Variants in GMDS observed in about 807,000 individuals in gnomAD.
GMDS encodes GDP-mannose 4,6 dehydratase.
In GMDS, 20 loss-of-function variants were observed where a neutral mutation model predicts 49.9. The observed-to-expected ratio is 0.40, with a 90% CI of 0.28 to 0.58. The LOEUF (loss-of-function observed/expected upper bound fraction) is 0.58. Ranked by LOEUF, GMDS falls within the 20% of genes least tolerant of loss-of-function variation. The probability of loss-of-function intolerance (pLI) is 0.42; values close to 1 mark genes in which losing one functional copy is unlikely to be tolerated. For missense variants in GMDS, 362 were observed against 481.4 expected (o/e 0.75, Z 2.32); for synonymous variants, 177 against 178.6 (o/e 0.99, Z 0.07).
intron 7 of GMDS, among the ~76,000 whole-genome samples, chr6:1,824,497 T>G (rs951456128): frequency 1.3e-5 from 2 of 152,186 alleles, no homozygotes; most frequent in African/African-American, 4.8e-5. Flanking sequence ...CGCCTGCTGA[T>G]CTGTGTTTTG....
At chr6:1,980,963 G>T (rs572662070) in intron 4 of GMDS, among the ~76,000 whole-genome samples, 1 of 152,146 alleles carries the variant, frequency 6.6e-6, no homozygotes, top group East Asian at 1.9e-4. Context: ...ATGAAATGAA[G>T]ACAGAAATCA....
intron 7 of GMDS, among the ~76,000 whole-genome samples, chr6:1,848,136 C>G (rs896633251): frequency 6.6e-6 from 1 of 152,170 alleles, no homozygotes; most frequent in Non-Finnish European, 1.5e-5. Flanking sequence ...TAGATCCACA[C>G]CGGCTACAGA....
intron 7 of GMDS, among the ~76,000 whole-genome samples, chr6:1,751,788 A>G (rs1172427130): frequency 6.6e-6 from 1 of 152,198 alleles, no homozygotes; most frequent in Non-Finnish European, 1.5e-5. Flanking sequence ...CACCGTGCCC[A>G]GCTGGGCCTG....
chr6:1,730,629 A>T (rs9391928), intron 8 of GMDS, among the ~76,000 whole-genome samples: 36 of 151,734 alleles, frequency 2.4e-4, no homozygotes, highest in Middle Eastern at 6.8e-3. Context: ...TGTATGCACG[A>T]TGAATACTGA....
chr6:1,980,499 C>T (rs1231015461), intron 4 of GMDS, among the ~76,000 whole-genome samples: 1 of 151,560 alleles, frequency 6.6e-6, no homozygotes, highest in Non-Finnish European at 1.5e-5. Flanking sequence ...GAAGAGCTAA[C>T]TGTCTTACAT....
At chr6:1,819,305 T>C (rs899539548) in intron 7 of GMDS, among the ~76,000 whole-genome samples, 1 of 152,228 alleles carries the variant, frequency 6.6e-6, no homozygotes, top group Non-Finnish European at 1.5e-5. Context: ...CCAAGTGTTA[T>C]ACCCTGCAAT....
intron 7 of GMDS, among the ~76,000 whole-genome samples, chr6:1,761,700 T>C (rs74360545): frequency 2.0e-4 from 31 of 152,360 alleles, no homozygotes; most frequent in African/African-American, 7.5e-4. Flanking sequence ...TTTTAATACA[T>C]GAAAGTATTT....
chr6:2,034,597 A>G (rs1005681838), intron 4 of GMDS, among the ~76,000 whole-genome samples: 1 of 152,186 alleles, frequency 6.6e-6, no homozygotes, highest in African/African-American at 2.4e-5. Flanking sequence ...AAAACGTAAC[A>G]TTCCTTTTTA....
intron 9 of GMDS, among the ~76,000 whole-genome samples, chr6:1,663,461 C>A (rs1461612457): frequency 3.3e-5 from 5 of 152,192 alleles, no homozygotes; most frequent in Non-Finnish European, 2.9e-5. Flanking sequence ...GAGCAGGAAA[C>A]CAAGCTCCCT....
intron 4 of GMDS, among the ~76,000 whole-genome samples, chr6:2,112,800 C>G (rs757735384): frequency 6.6e-6 from 1 of 152,106 alleles, no homozygotes; most frequent in East Asian, 1.9e-4. Context: ...CTAGCCTCAT[C>G]CCCTCTTGCT....
chr6:2,156,166 A>G (rs1382926329), intron 1 of GMDS, among the ~76,000 whole-genome samples: 1 of 152,148 alleles, frequency 6.6e-6, no homozygotes, highest in East Asian at 1.9e-4. Context: ...GGGGCTTAGA[A>G]AATTATAAAT....
In GMDS at chr6:1,954,679, T is replaced by C. The variant is rs147977486; in HGVS notation, c.643+5188A>G. ...AAGCAGCTCCTCATCAGTGAAAACT[T>C]TATTATGAGATTGCACACGATAAAA... On this transcript the variant is annotated intron_variant, in intron 6 of 10. Transcript: ENST00000380815. Among the ~76,000 whole-genome samples, 513 of 152,284 alleles carry C rather than the reference T, an allele frequency of 3.4e-3. 3 individuals carry two copies. The highest frequency in any genetic ancestry group is 6.0e-3 in the Non-Finnish European group (410 of 68,024).
intron 4 of GMDS, among the ~76,000 whole-genome samples, chr6:2,031,852 G>T (rs527522231): frequency 6.6e-6 from 1 of 152,276 alleles, no homozygotes; most frequent in Admixed American, 6.5e-5. Flanking sequence ...TGTAACTTTA[G>T]AAAATATTTT....
intron 1 of GMDS, among the ~76,000 whole-genome samples, chr6:2,212,996 C>G (rs1780143723): frequency 6.6e-6 from 1 of 152,170 alleles, no homozygotes; most frequent in Non-Finnish European, 1.5e-5. Flanking sequence ...AGGTTACTCC[C>G]TTTCTAGGTG....
At chr6:1,637,359 C>T (rs745956819) in intron 9 of GMDS, among the ~76,000 whole-genome samples, 4 of 152,212 alleles carry the variant, frequency 2.6e-5, no homozygotes, top group Non-Finnish European at 5.9e-5. Context: ...AGGCAGGTGG[C>T]CTGGAGGGCA....
chr6:1,667,191 C>A (rs1166886669), intron 9 of GMDS, among the ~76,000 whole-genome samples: 1 of 152,188 alleles, frequency 6.6e-6, no homozygotes, highest in Non-Finnish European at 1.5e-5. Flanking sequence ...CGGCCTCAGA[C>A]CAATCAAAGT....
At chr6:1,874,768 C>A (rs774323382) in intron 7 of GMDS, among the ~76,000 whole-genome samples, 10 of 152,168 alleles carry the variant, frequency 6.6e-5, no homozygotes, top group Non-Finnish European at 1.5e-4. Context: ...TTCCCTTTGG[C>A]AGCACTAGCA....
intron 1 of GMDS, among the ~76,000 whole-genome samples, chr6:2,183,923 A>G (rs1778665093): frequency 6.6e-6 from 1 of 152,236 alleles, no homozygotes; most frequent in South Asian, 2.1e-4. Context: ...TTTTAGATAT[A>G]ATGCTACTGT....
intron 4 of GMDS, among the ~76,000 whole-genome samples, chr6:2,096,565 T>G (rs920600805): frequency 1.1e-4 from 17 of 152,266 alleles, no homozygotes; most frequent in African/African-American, 3.8e-4. Context: ...ACAAGCTAAG[T>G]AACAGCTGTC....
Sources: gnomAD v4.1 joint callset for allele counts (sites outside exome capture counted in the v4.1 genomes callset) on GRCh38, gnomAD v4.1.1 for gene constraint, MANE v1.5 for transcripts, NCBI Gene and HGNC (gene_info 2026-07-23, HGNC 2026-07-21) for gene names.